The following GNB5 variants were observed in gnomAD, a reference collection of about 807,000 sequenced individuals.
GNB5 encodes G protein subunit beta 5, also known as guanine nucleotide-binding protein subunit beta-5.
In GNB5, 37 loss-of-function variants were observed where a neutral mutation model predicts 55.3. The observed-to-expected ratio is 0.67, with a 90% confidence interval of 0.51 to 0.88. The LOEUF is 0.88. Ranked by LOEUF, GNB5 falls within the 40% of genes least tolerant of loss-of-function variation. The pLI is 0.00. For synonymous variants in GNB5, 219 were observed against 198.5 expected (o/e 1.10, Z -0.87); for missense variants, 476 against 515.3 (o/e 0.92, Z 0.74).
At chr15:52,147,175 T>G (rs552752290) in intron 6 of GNB5, 18 of 244,226 alleles carry the variant, frequency 7.4e-5, no homozygotes, top group Admixed American at 3.1e-4. Flanking sequence ...TGTTTTTTTT[T>G]TTTTTTTTTA....
chr15:52,146,421 T>C (rs2033977823), intron 6 of GNB5, among the ~76,000 whole-genome samples: 1 of 152,230 alleles, frequency 6.6e-6, no homozygotes, highest in Admixed American at 6.5e-5. Context: ...AGGCACACTC[T>C]TCCTAGTAAT....
chr15:52,174,074 G>A (rs572366514), intron 3 of GNB5, among the ~76,000 whole-genome samples: 2 of 152,286 alleles, frequency 1.3e-5, no homozygotes, highest in African/African-American at 4.8e-5. Context: ...TAATAAGAGG[G>A]AGCAGGTGGG....
At chr15:52,127,288 A>G (rs2899485) in intron 10 of GNB5, among the ~76,000 whole-genome samples, 78,091 of 152,050 alleles carry the variant, frequency 0.51, 23,758 homozygotes, top group East Asian at 0.86. Context: ...CTTTGATTAT[A>G]GGTGACTTTG....
intron 9 of GNB5, among the ~76,000 whole-genome samples, chr15:52,131,378 T>C (rs1317345903): frequency 6.6e-6 from 1 of 152,248 alleles, no homozygotes; most frequent in Non-Finnish European, 1.5e-5. Flanking sequence ...GCATAGGCTA[T>C]ATGCAAATAC....
rs943446249 is a variant in GNB5, at chr15:52,166,468, C to A, written c.239-12392G>T. On this transcript the variant is annotated intron_variant, in intron 3 of 12. Transcript: ENST00000261837. Reference sequence around the variant, plus strand: ...ACTCTCCTTAGTAAATGCAAAAGAACTGAAATCATAACAGTCTCTCAGACC... The same window carrying A: ...ACTCTCCTTAGTAAATGCAAAAGAAATGAAATCATAACAGTCTCTCAGACC... Among the ~76,000 whole-genome samples the A allele has an allele frequency of 2.0e-5, 3 of 152,132 alleles. 1 individual carries two copies. Among genetic ancestry groups the A allele is most frequent in the Middle Eastern group, 6.3e-3 (2 of 316 alleles).
intron 3 of GNB5, among the ~76,000 whole-genome samples, chr15:52,177,653 AAAAAAAAAAAAAAG>A (rs1311284564): frequency 8.6e-5 from 13 of 150,380 alleles, no homozygotes; most frequent in Non-Finnish European, 1.9e-4. Context: ...TCCGTGTCAA[AAAAAAAAAAAAAAG>A]AAAAGAAAAG....
At chr15:52,178,938 C>T (rs2034704251) in intron 3 of GNB5, among the ~76,000 whole-genome samples, 3 of 152,212 alleles carry the variant, frequency 2.0e-5, no homozygotes, top group Admixed American at 6.5e-5. Context: ...TGAGCAGATA[C>T]AACCACTTCC....
intron 6 of GNB5, among the ~76,000 whole-genome samples, chr15:52,145,127 C>G (rs1487229928): frequency 6.6e-6 from 1 of 152,086 alleles, no homozygotes; most frequent in African/African-American, 2.4e-5. Flanking sequence ...TGGCTAAACT[C>G]CTTTGCACCA....
intron 7 of GNB5, among the ~76,000 whole-genome samples, chr15:52,136,166 A>ACACACACACCCC: frequency 8.3e-6 from 1 of 120,092 alleles, no homozygotes; most frequent in African/African-American, 3.2e-5. Context: ...ACACACACAC[A>ACACACACACCCC]CACACACCCT....
At position 52,169,354 on chromosome 15, in the gene GNB5, T is replaced by C. The variant is rs559805963; in HGVS notation, c.238+10414A>G. On this transcript the variant is annotated intron_variant, in intron 3 of 12. Coordinates refer to ENST00000261837, the MANE Select transcript of GNB5 (RefSeq NM_016194.4). ...GAGTTTGAAACCAGCCTGGCCAACATGGTGAAACCCCGTCTCTACTAAAAA... is the reference window on the plus strand; with the variant it reads ...GAGTTTGAAACCAGCCTGGCCAACACGGTGAAACCCCGTCTCTACTAAAAA... Among the ~76,000 whole-genome samples the C allele has an allele frequency of 6.7e-5, 10 of 149,514 alleles. No individual in the cohort carries two copies. The South Asian group carries it at 2.1e-3, about 32-fold the overall frequency.
intron 9 of GNB5, among the ~76,000 whole-genome samples, chr15:52,130,485 G>T (rs2033547294): frequency 6.6e-6 from 1 of 152,126 alleles, no homozygotes; most frequent in South Asian, 2.1e-4. Context: ...AAAATTTTAA[G>T]TTACAGTGTT....
At chr15:52,149,605 T>C (rs1208075068) in intron 5 of GNB5, 3 of 591,226 alleles carry the variant, frequency 5.1e-6, no homozygotes, top group Non-Finnish European at 9.0e-6. Context: ...CACATGTGGT[T>C]GCAAGTTTTC....
intron 9 of GNB5, chr15:52,128,808 T>C (rs770572270): frequency 1.1e-5 from 5 of 452,284 alleles, no homozygotes; most frequent in African/African-American, 2.0e-5. Flanking sequence ...ATGATAATTA[T>C]TACTGCTATA....
At chr15:52,136,578 C>T (rs2141195710) in intron 7 of GNB5, among the ~76,000 whole-genome samples, 1 of 152,306 alleles carries the variant, frequency 6.6e-6, no homozygotes. Context: ...GTCTAGGCAG[C>T]ATCTTGTTGG....
At chr15:52,127,412 C>T (rs2033456920) in intron 10 of GNB5, among the ~76,000 whole-genome samples, 4 of 152,080 alleles carry the variant, frequency 2.6e-5, no homozygotes, top group Admixed American at 2.6e-4. Context: ...TAACTCCATT[C>T]GTATCTACAG....
At chr15:52,135,778 A>C in intron 7 of GNB5, 22 bp from the exon 8 acceptor site, 1 of 1,603,270 alleles carries the variant, frequency 6.2e-7, no homozygotes, top group Non-Finnish European at 8.5e-7. Flanking sequence ...AAAGGACAGG[A>C]AGTGGGTGGT....
chr15:52,156,254 T>A (rs1182138074), intron 3 of GNB5, among the ~76,000 whole-genome samples: 2 of 152,230 alleles, frequency 1.3e-5, no homozygotes, highest in Non-Finnish European at 2.9e-5. Flanking sequence ...TTCTGACATG[T>A]CCCCCTCATA....
At chr15:52,168,394 C>T (rs1238374139) in intron 3 of GNB5, among the ~76,000 whole-genome samples, 1 of 152,070 alleles carries the variant, frequency 6.6e-6, no homozygotes, top group African/African-American at 2.4e-5. Flanking sequence ...AATCAAATAC[C>T]TGGGAATACA....
chr15:52,142,232 T>G (rs2033872373), intron 6 of GNB5, among the ~76,000 whole-genome samples: 1 of 152,184 alleles, frequency 6.6e-6, no homozygotes, highest in Non-Finnish European at 1.5e-5. Flanking sequence ...GTAAAGGTAA[T>G]TTGTTTGTAA....
Sources: gnomAD v4.1 joint callset for allele counts (sites outside exome capture counted in the v4.1 genomes callset) on GRCh38, gnomAD v4.1.1 for gene constraint, MANE v1.5 for transcripts, NCBI Gene and HGNC (gene_info 2026-07-23, HGNC 2026-07-21) for gene names.